Variants in STON2 observed in about 807,000 individuals in gnomAD.
The protein encoded by STON2 is stonin-2.
A neutral mutation model predicts 65.7 loss-of-function variants in STON2; 29 were observed. The observed-to-expected ratio is 0.44, with a 90% CI of 0.33 to 0.60. STON2 has a LOEUF of 0.60. STON2 is among the 20% of genes least tolerant of loss of function. STON2 has a pLI of 0.03. For synonymous variants in STON2, 404 were observed against 414.2 expected, an observed-to-expected ratio of 0.98 and a Z score of 0.30; for missense variants, 1,054 against 1,118.1, an observed-to-expected ratio of 0.94 and a Z score of 0.82.
rs559811145 is a variant in STON2, at chr14:81,366,248, C to T, written c.571+4740G>A. On this transcript the variant is annotated intron_variant, in intron 4 of 7. Transcript: ENST00000614646. ...GCTGATCACAGAGTCTTTCCCTCCA[C>T]GATTATGCTGGGAACTGGATTGCCC... Among the ~76,000 whole-genome samples, 289 of 152,258 alleles carry T rather than the reference C, an allele frequency of 1.9e-3. 1 individual carries two copies. Among genetic ancestry groups the T allele is most frequent in the Non-Finnish European group, 2.7e-3 (187 of 68,024 alleles).
chr14:81,377,756 G>A (rs1899320384), intron 3 of STON2, among the ~76,000 whole-genome samples: 1 of 152,040 alleles, frequency 6.6e-6, no homozygotes. Context: ...TTCCCTAATG[G>A]ATAATGATAT....
intron 4 of STON2, among the ~76,000 whole-genome samples, chr14:81,334,357 G>T (rs139864027): frequency 6.6e-6 from 1 of 152,100 alleles, no homozygotes; most frequent in African/African-American, 2.4e-5. Context: ...TACAATTCAC[G>T]TTCCATCACA....
At chr14:81,324,690 C>T (rs942223131) in intron 4 of STON2, among the ~76,000 whole-genome samples, 2 of 152,202 alleles carry the variant, frequency 1.3e-5, no homozygotes, top group Non-Finnish European at 2.9e-5. Flanking sequence ...TGGACTTTGC[C>T]TTGTCCAAGG....
At chr14:81,294,367 G>A (rs1166219621) in intron 5 of STON2, among the ~76,000 whole-genome samples, 5 of 152,142 alleles carry the variant, frequency 3.3e-5, no homozygotes, top group Admixed American at 2.0e-4. Flanking sequence ...GCATAAACAG[G>A]TGGGAAGCAG....
At chr14:81,415,922 G>A (rs1258898431) in intron 2 of STON2, among the ~76,000 whole-genome samples, 1 of 152,214 alleles carries the variant, frequency 6.6e-6, no homozygotes, top group African/African-American at 2.4e-5. Context: ...ACCTCTGAGA[G>A]GCCCTGAGCT....
At chr14:81,431,691 T>C (rs1038602612) in intron 1 of STON2, among the ~76,000 whole-genome samples, 28 of 152,098 alleles carry the variant, frequency 1.8e-4, no homozygotes, top group Admixed American at 1.2e-3. Context: ...GGCAAGAGAA[T>C]TGCTTGAACC....
chr14:81,375,628 C>G (rs1280496249), intron 3 of STON2, among the ~76,000 whole-genome samples: 1 of 151,906 alleles, frequency 6.6e-6, no homozygotes, highest in African/African-American at 2.4e-5. Flanking sequence ...ATTGATATAT[C>G]AAGCAAGCAA....
At chr14:81,315,714 T>C (rs1896594560) in intron 5 of STON2, among the ~76,000 whole-genome samples, 1 of 152,246 alleles carries the variant, frequency 6.6e-6, no homozygotes, top group African/African-American at 2.4e-5. Flanking sequence ...AGTCTTAGCA[T>C]TTGCTCATTC....
Position 81,277,020 on chromosome 14 carries a change from C to A in STON2, c.2462G>T (p.Gly821Val), listed in dbSNP as rs1435259043. 6.2e-7 allele frequency: 1 copy of A among 1,614,092 alleles called. No homozygotes were observed. The highest frequency in any genetic ancestry group is 8.5e-7 in the Non-Finnish European group (1 of 1,180,036). ...KAKVNRGASF[G>V]STSVSGSEPV... is the part of the protein sequence containing the mutation. ...CTCAGAGCCAGAAACACTAGTGGAG[C>A]CAAAACTTGCCCCCCGGTTCACTTT... The change falls in exon 6 of 8, where the codon GGC becomes GTC. Residue 821 changes from glycine (G) to valine (V), a missense_variant. Coordinates refer to ENST00000614646, the MANE Select transcript of STON2 (RefSeq NM_001394390.1).
At chr14:81,372,275 C>T (rs777781774) in intron 3 of STON2, among the ~76,000 whole-genome samples, 4 of 152,142 alleles carry the variant, frequency 2.6e-5, no homozygotes, top group East Asian at 1.9e-4. Flanking sequence ...TCATTACGGC[C>T]GGGCACGGTG....
intron 4 of STON2, among the ~76,000 whole-genome samples, chr14:81,355,661 A>T (rs1898197973): frequency 6.6e-6 from 1 of 152,232 alleles, no homozygotes; most frequent in Non-Finnish European, 1.5e-5. Flanking sequence ...TAAAAGTTGA[A>T]GCAAAATGCT....
chr14:81,416,099 T>C (rs1243010428), intron 2 of STON2, among the ~76,000 whole-genome samples: 1 of 152,182 alleles, frequency 6.6e-6, no homozygotes, highest in South Asian at 2.1e-4. Flanking sequence ...AAGTCCCCCG[T>C]TGTTAACTCT....
At chr14:81,343,730 T>A (rs534519104) in intron 4 of STON2, among the ~76,000 whole-genome samples, 3 of 152,344 alleles carry the variant, frequency 2.0e-5, no homozygotes, top group South Asian at 2.1e-4. Flanking sequence ...TATATTGTCA[T>A]ACTCATAAAA....
At chr14:81,399,387 C>G (rs1900489541) in intron 1 of STON2, among the ~76,000 whole-genome samples, 1 of 152,126 alleles carries the variant, frequency 6.6e-6, no homozygotes, top group South Asian at 2.1e-4. Context: ...CATAGAAGAG[C>G]TACTATATAC....
intron 2 of STON2, among the ~76,000 whole-genome samples, chr14:81,408,379 CAT>C (rs1202254855): frequency 1.3e-5 from 2 of 152,166 alleles, no homozygotes; most frequent in Non-Finnish European, 2.9e-5. Flanking sequence ...TCAAGTCAAA[CAT>C]GTATGAGAAA....
At chr14:81,285,957 G>C (rs1895315590) in intron 5 of STON2, among the ~76,000 whole-genome samples, 1 of 152,146 alleles carries the variant, frequency 6.6e-6, no homozygotes, top group Non-Finnish European at 1.5e-5. Flanking sequence ...AGACCAGCCT[G>C]GCCAACATGG....
rs373161265 is a variant in STON2 at position 81,408,645 on chromosome 14, ATACTC to A, written c.-198-10070_-198-10066del. On this transcript the variant is annotated intron_variant, in intron 2 of 8. Coordinates refer to the STON2 transcript ENST00000553821. ...TATATCCCAAGGTTATAATTACAAA[ATACTC>A]TACTGTGTGATTTTCCTTCAAAATC... 5.1e-3 allele frequency among the ~76,000 whole-genome samples: 782 copies of A among 152,374 alleles called. 5 individuals carry two copies. The highest frequency in any genetic ancestry group is 0.029 in the South Asian group (142 of 4,832).
At chr14:81,334,378 C>T (rs1897302019) in intron 4 of STON2, among the ~76,000 whole-genome samples, 1 of 152,200 alleles carries the variant, frequency 6.6e-6, no homozygotes. Flanking sequence ...TACAATGGAG[C>T]TTGCAACACA....
chr14:81,335,903 A>T (rs1356320257), intron 4 of STON2, among the ~76,000 whole-genome samples: 1 of 152,144 alleles, frequency 6.6e-6, no homozygotes, highest in Non-Finnish European at 1.5e-5. Context: ...ACACAATATT[A>T]AGAGGAGGTA....
Sources: gnomAD v4.1 joint callset for allele counts (sites outside exome capture counted in the v4.1 genomes callset) on GRCh38, gnomAD v4.1.1 for gene constraint, MANE v1.5 for transcripts, NCBI Gene and HGNC (gene_info 2026-07-23, HGNC 2026-07-21) for gene names.